SLC34A2: variants seen among roughly 807,000 people sequenced by gnomAD.
SLC34A2 encodes the protein solute carrier family 34 member 2.
A neutral mutation model predicts 50.8 loss-of-function variants in SLC34A2; 41 were observed. The ratio of observed to expected loss-of-function variants is 0.81; its 90% CI spans 0.63 to 1.05. The LOEUF is 1.05. SLC34A2 is among the 50% of genes least tolerant of loss of function. SLC34A2 has a pLI of 0.00. For synonymous variants in SLC34A2, 401 were observed against 364.2 expected, an observed-to-expected ratio of 1.10 and a Z score of -1.15; for missense variants, 879 against 876.7, an observed-to-expected ratio of 1.00 and a Z score of -0.03.
chr4:25,670,723 C>T lies in SLC34A2; in HGVS notation c.832-15C>T, dbSNP rs778448402. ...TGAGGATATGCTGATGGTTTCCTGT[C>T]TACTGTTTCCACAGCTGGATAAAAA... On this transcript the variant is annotated splice_polypyrimidine_tract_variant and intron_variant, in intron 7 of 12. Coordinates refer to ENST00000382051, the MANE Select transcript of SLC34A2 (RefSeq NM_006424.3). The T allele has an allele frequency of 4.4e-6, 7 of 1,605,446 alleles. No homozygotes were observed. In the Admixed American group the frequency reaches 1.2e-4, roughly 27 times the overall value.
At position 25,667,976 on chromosome 4, in the gene SLC34A2, G is replaced by C. The variant is rs763342540; in HGVS notation, c.620G>C (p.Arg207Pro). ...GTTGCGCTCATGCAGGTGGGAGATC[G>C]GAGTGAGTTCAGAAGGTAAGAGGCT... is the stretch of plus-strand genomic sequence containing the variant. ...TIVALMQVGD[R>P]SEFRRAFAGA... The change falls in exon 6 of 13, where the codon CGG becomes CCG. Residue 207 changes from arginine (R) to proline (P), a missense_variant. By Grantham distance (103) the Arg-to-Pro change is moderately radical (BLOSUM62 -2). Coordinates refer to ENST00000382051, the MANE Select transcript of SLC34A2 (RefSeq NM_006424.3). 1 of 1,610,998 alleles carries C rather than the reference G, an allele frequency of 6.2e-7. No homozygotes were observed. The highest frequency in any genetic ancestry group is 8.5e-7 in the Non-Finnish European group (1 of 1,177,366).
At chr4:25,673,534 G>T (rs1034370706) in intron 10 of SLC34A2, among the ~76,000 whole-genome samples, 1 of 152,102 alleles carries the variant, frequency 6.6e-6, no homozygotes, top group African/African-American at 2.4e-5. Flanking sequence ...CGGGTTTCCT[G>T]TATGCTCAGA....
At chr4:25,660,461 T>C (rs191592198) in intron 1 of SLC34A2, among the ~76,000 whole-genome samples, 1 of 152,382 alleles carries the variant, frequency 6.6e-6, no homozygotes, top group East Asian at 1.9e-4. Context: ...GTTCAACTCA[T>C]AACATCTTCT....
In SLC34A2 at chr4:25,669,673, ACTT is replaced by A; in HGVS notation, c.667_669del (p.Phe223del). 1 of 1,614,022 alleles carries A rather than the reference ACTT, an allele frequency of 6.2e-7. No individual in the cohort carries two copies. Among genetic ancestry groups the A allele is most frequent in the East Asian group, 2.2e-5 (1 of 44,870 alleles). Reference sequence around the variant, plus strand: ...GCTTTTGCAGGAGCCACTGTCCATGACTTCTTCAACTGGCTGTCCGTGTTGGTG... The same window carrying A: ...GCTTTTGCAGGAGCCACTGTCCATGACTTCAACTGGCTGTCCGTGTTGGTG... On this transcript the variant is annotated inframe_deletion, in exon 7 of 13. Coordinates refer to ENST00000382051, the MANE Select transcript of SLC34A2 (RefSeq NM_006424.3).
At position 25,662,599 on chromosome 4, in the gene SLC34A2, A is replaced by G. The variant is rs114389632; in HGVS notation, c.99A>G (p.Lys33=). The G allele has an allele frequency of 8.1e-4, 1,309 of 1,614,154 alleles. 10 individuals carry two copies. The African/African-American group carries it at 0.016, about 20-fold the overall frequency. The change falls in exon 2 of 13, where the codon AAA becomes AAG. Residue 33 remains lysine, a synonymous_variant. Coordinates refer to ENST00000382051, the MANE Select transcript of SLC34A2 (RefSeq NM_006424.3). ...GQQPTAPDKS[K]ETNKTDNTEA... ...AGCCCACTGCCCCTGATAAAAGCAA[A>G]GAGACCAACAAAAGTAAGTGTCGCT...
At chr4:25,665,094 T>A (rs1714420549) in intron 4 of SLC34A2, 1 of 220,968 alleles carries the variant, frequency 4.5e-6, no homozygotes, top group South Asian at 1.9e-4. Flanking sequence ...CCCATCTGTG[T>A]GACTTGGGAG....
In SLC34A2 at chr4:25,669,719, G is replaced by A. The variant is rs1330359720; in HGVS notation, c.708G>A (p.Val236=). Residue 236 remains valine (V), a synonymous_variant, in exon 7 of 13, where the codon GTG becomes GTA. Coordinates refer to ENST00000382051, the MANE Select transcript of SLC34A2 (RefSeq NM_006424.3). ...TGTTGGTGCTCTTGCCCGTGGAGGT[G>A]GCCACCCATTACCTCGAGATCATAA... ...LSVLVLLPVE[V]ATHYLEIITQ... 6.2e-7 allele frequency: 1 copy of A among 1,614,146 alleles called. No individual in the cohort carries two copies. Among genetic ancestry groups the A allele is most frequent in the Non-Finnish European group, 8.5e-7 (1 of 1,180,024 alleles).
intron 4 of SLC34A2, 80 bp downstream of exon 4, chr4:25,664,410 C>T: frequency 1.3e-6 from 2 of 1,502,490 alleles, no homozygotes; most frequent in Non-Finnish European, 1.9e-6. Flanking sequence ...CTCAGCAAGC[C>T]CTCTCCAGCT....
Position 25,669,807 on chromosome 4 carries a change from G to C in SLC34A2, c.796G>C (p.Val266Leu). The change falls in exon 7 of 13, where the codon GTC (valine) becomes CTC (leucine). Residue 266 changes from valine (V) to leucine (L), a missense_variant. By Grantham distance (32) the Val-to-Leu change is conservative. Transcript: ENST00000382051. ...AGAAGATGCCCCAGATCTTCTGAAA[G>C]TCATCACTAAGCCCTTCACAAAGCT... Reference protein sequence around the residue: ...NGEDAPDLLKVITKPFTKLIV... With the variant: ...NGEDAPDLLKLITKPFTKLIV... The C allele has an allele frequency of 6.2e-7, 1 of 1,614,188 alleles. No homozygotes were observed. The highest frequency in any genetic ancestry group is 8.5e-7 in the Non-Finnish European group (1 of 1,180,030).
rs765511454 is a variant in SLC34A2 at position 25,667,906 on chromosome 4, A to G, written c.550A>G (p.Ile184Val). The change falls in exon 6 of 13, where the codon ATT (isoleucine) becomes GTT (valine). Residue 184 changes from isoleucine (I) to valine (V), a missense_variant. Coordinates refer to ENST00000382051, the MANE Select transcript of SLC34A2 (RefSeq NM_006424.3). Reference protein sequence around the residue: ...SLLTVRAAIPIIMGANIGTSI... With the variant: ...SLLTVRAAIPVIMGANIGTSI... The stretch of plus-strand genomic sequence containing the variant: ...GCTCACTGTTCGGGCTGCCATCCCC[A>G]TTATCATGGGGGCCAACATTGGAAC... The G allele has an allele frequency of 1.9e-6, 3 of 1,613,660 alleles. No individual in the cohort carries two copies. Among genetic ancestry groups the G allele is most frequent in the Non-Finnish European group, 2.5e-6 (3 of 1,179,710 alleles).
rs1319054788 is a variant in SLC34A2 at position 25,673,213 on chromosome 4, A to G, written c.1175A>G (p.Lys392Arg). The G allele has an allele frequency of 6.2e-7, 1 of 1,613,958 alleles. No homozygotes were observed. Among genetic ancestry groups the G allele is most frequent in the Non-Finnish European group, 8.5e-7 (1 of 1,180,034 alleles). Residue 392 changes from lysine (K) to arginine (R), a missense_variant, in exon 10 of 13, where the codon AAG becomes AGG. Coordinates refer to ENST00000382051, the MANE Select transcript of SLC34A2 (RefSeq NM_006424.3). Reference sequence around the variant, plus strand: ...GTCAAGATCCTGGGCTCTGTGCTCAAGGGGCAGGTCGCCACTGTCATCAAG... The same window carrying G: ...GTCAAGATCCTGGGCTCTGTGCTCAGGGGGCAGGTCGCCACTGTCATCAAG... Reference protein sequence around the residue: ...MIVKILGSVLKGQVATVIKKT... With the variant: ...MIVKILGSVLRGQVATVIKKT...
intron 1 of SLC34A2, among the ~76,000 whole-genome samples, chr4:25,661,852 T>C (rs190374608): frequency 2.6e-5 from 4 of 151,830 alleles, no homozygotes; most frequent in East Asian, 3.9e-4. Context: ...CAAAGATGAA[T>C]GGGCTTGCAC....
chr4:25,662,930 T>G, intron 3 of SLC34A2, 88 bp downstream of exon 3: 1 of 1,490,682 alleles, frequency 6.7e-7, no homozygotes, highest in Non-Finnish European at 9.2e-7. Flanking sequence ...CCCTTTTCAT[T>G]GTTCTGATTC....
chr4:25,664,050 A>G (rs1332659894), intron 3 of SLC34A2, 152 bp from the exon 4 acceptor site: 2 of 780,032 alleles, frequency 2.6e-6, no homozygotes, highest in East Asian at 2.5e-5. Context: ...TCCCATCTGT[A>G]AGGCTGGCTA....
In SLC34A2 at chr4:25,667,926, T is replaced by C. The variant is rs756426827; in HGVS notation, c.570T>C (p.Ile190=). 22 of 1,614,110 alleles carry C rather than the reference T, an allele frequency of 1.4e-5. 2 individuals are homozygous for C. The South Asian group carries it at 2.3e-4, about 17-fold the overall frequency. ...TCCCCATTATCATGGGGGCCAACAT[T>C]GGAACGTCAATCACCAACACTATTG... ...AAIPIIMGAN[I]GTSITNTIVA... is the part of the protein sequence containing the mutation. Residue 190 remains isoleucine (I), a synonymous_variant, in exon 6 of 13, where the codon ATT becomes ATC. Transcript: ENST00000382051.
chr4:25,666,288 A>G lies in SLC34A2; in HGVS notation c.523+17A>G. On this transcript the variant is annotated intron_variant, in intron 5 of 12. Coordinates refer to ENST00000382051, the MANE Select transcript of SLC34A2 (RefSeq NM_006424.3). ...CCTCTTCATGTGAGTCGGGGCACCC[A>G]TGAGCCCACCTGCATTCCAGACACT... The G allele has an allele frequency of 6.2e-7, 1 of 1,613,214 alleles. No homozygotes were observed. Among genetic ancestry groups the G allele is most frequent in the South Asian group, 1.1e-5 (1 of 91,054 alleles).
At position 25,662,838 on chromosome 4, in the gene SLC34A2, G is replaced by A; in HGVS notation, c.246G>A (p.Trp82Ter). The A allele has an allele frequency of 6.2e-7, 1 of 1,614,106 alleles. No individual in the cohort carries two copies. Among genetic ancestry groups the A allele is most frequent in the Non-Finnish European group, 8.5e-7 (1 of 1,180,024 alleles). ...CTCTTCAGGACTCGGGGATCAAGTG[G>A]TCAGGTAAAAGTGAGGCCAGCTGAG... Reference protein sequence around the residue: ...LPTLQDSGIKWSERDTKGKIL... With the variant: ...LPTLQDSGIK Residue 82 changes from tryptophan (W) to a stop codon, truncating the protein, a stop_gained, in exon 3 of 13, where the codon TGG (tryptophan) becomes TGA (stop). Transcript: ENST00000382051. LOFTEE classifies it high-confidence loss of function.
intron 6 of SLC34A2, 66 bp downstream of exon 6, chr4:25,668,057 G>T: frequency 1.0e-6 from 1 of 1,001,348 alleles, no homozygotes; most frequent in Non-Finnish European, 1.6e-6. Context: ...TGTTGTAACT[G>T]CTTTTAACCA....
chr4:25,672,980 C>A (rs1248306579), intron 9 of SLC34A2, 107 bp from the exon 10 acceptor site: 2 of 1,280,814 alleles, frequency 1.6e-6, no homozygotes, highest in Non-Finnish European at 2.3e-6. Flanking sequence ...GTTAAACTAA[C>A]AACCAGGAAT....
Sources: gnomAD v4.1 joint callset for allele counts (sites outside exome capture counted in the v4.1 genomes callset) on GRCh38, gnomAD v4.1.1 for gene constraint, MANE v1.5 for transcripts, NCBI Gene and HGNC (gene_info 2026-07-23, HGNC 2026-07-21) for gene names.